USP54: variants seen among roughly 807,000 people sequenced by gnomAD.
USP54 encodes ubiquitin carboxyl-terminal hydrolase 54.
A neutral mutation model predicts 170.5 loss-of-function variants in USP54; 87 were observed. The observed-to-expected ratio is 0.51, with a 90% CI of 0.43 to 0.61. The LOEUF (loss-of-function observed/expected upper bound fraction) is 0.61, where lower values mean the gene tolerates loss of function less well. USP54 is among the 20% of genes least tolerant of loss of function. USP54 has a pLI of 0.00. For missense variants in USP54, 1,786 were observed against 2,047.8 expected (o/e 0.87, Z 2.47); for synonymous variants, 655 against 742.8 (o/e 0.88, Z 1.92).
intron 20 of USP54, chr10:73,505,872 A>T (rs1284366764): frequency 6.6e-6 from 1 of 152,518 alleles, no homozygotes; most frequent in Admixed American, 6.5e-5. Flanking sequence ...TCCGTCTCAA[A>T]AAAAAAAAGA....
chr10:73,594,119 G>A (rs772273194), upstream of USP54, among the ~76,000 whole-genome samples: 1 of 151,904 alleles, frequency 6.6e-6, no homozygotes, highest in Non-Finnish European at 1.5e-5. Flanking sequence ...CACCCAGGCT[G>A]GAGTGCAGTG....
At chr10:73,509,566 G>T (rs1429916155) in intron 20 of USP54, among the ~76,000 whole-genome samples, 1 of 151,226 alleles carries the variant, frequency 6.6e-6, no homozygotes, top group East Asian at 1.9e-4. Context: ...AGTGAGTTGA[G>T]ATCACGCCAT....
intron 20 of USP54, 55 bp from the exon 21 acceptor site, chr10:73,505,481 C>T (rs2058944541): frequency 1.4e-6 from 2 of 1,428,080 alleles, no homozygotes; most frequent in East Asian, 2.3e-5. Flanking sequence ...TAGGGCCTAA[C>T]CTCTAAGCCT....
Position 73,498,927 on chromosome 10 carries a change from G to T in USP54, c.4757C>A (p.Ser1586Tyr). The change falls in exon 24 of 24, where the codon TCC becomes TAC. Residue 1586 changes from serine (S) to tyrosine (Y), a missense_variant. By Grantham distance (144) the Ser-to-Tyr change is moderately radical. Around this residue, in one of 3 missense-constraint regions of USP54, gnomAD observed 1,418 missense variants for 1,569.0 expected, o/e 0.90. Coordinates refer to ENST00000687698, the MANE Select transcript of USP54 (RefSeq NM_001391956.1). ...GGGTGAATGGAAAAGATCACTCCAG[G>T]ACTGAGTGTGAGGAACCTGAAGGCC... The part of the protein sequence containing the change: ...SKGLQVPHTQ[S>Y]WSDLFHSPSH... The T allele has an allele frequency of 6.2e-7, 1 of 1,614,172 alleles. No individual in the cohort carries two copies. Among genetic ancestry groups the T allele is most frequent in the East Asian group, 2.2e-5 (1 of 44,882 alleles).
intron 10 of USP54, among the ~76,000 whole-genome samples, chr10:73,539,159 C>T (rs1011374046): frequency 1.3e-5 from 2 of 151,048 alleles, no homozygotes; most frequent in African/African-American, 4.9e-5. Flanking sequence ...TGCGCATGTA[C>T]TCCCAGCTAC....
chr10:73,504,711 G>A (rs1010999105), intron 22 of USP54, 139 bp downstream of exon 22: 46 of 1,071,710 alleles, frequency 4.3e-5, no homozygotes, highest in Non-Finnish European at 5.4e-5. Flanking sequence ...TAATGACTGC[G>A]TGTCCTTATT....
intron 3 of USP54, among the ~76,000 whole-genome samples, chr10:73,574,282 A>T (rs2075752352): frequency 6.6e-6 from 1 of 152,166 alleles, no homozygotes; most frequent in South Asian, 2.1e-4. Context: ...GTTCAAGTGT[A>T]TCTGACTAGA....
chr10:73,509,176 C>T (rs930455060), intron 20 of USP54, among the ~76,000 whole-genome samples: 7 of 147,374 alleles, frequency 4.7e-5, no homozygotes, highest in African/African-American at 1.8e-4. Flanking sequence ...TTGTTTGAAT[C>T]CTGACTTGAA....
intron 20 of USP54, among the ~76,000 whole-genome samples, chr10:73,515,266 T>C (rs767467865): frequency 6.6e-6 from 1 of 151,496 alleles, no homozygotes; most frequent in Non-Finnish European, 1.5e-5. Flanking sequence ...ATTTTAGAGT[T>C]AGAACATATC....
In USP54 at chr10:73,545,637, T is replaced by C. The variant is rs1254906616; in HGVS notation, c.276A>G (p.Lys92=). Residue 92 remains lysine (K), a synonymous_variant, in exon 5 of 24, where the codon AAA becomes AAG. Transcript: ENST00000687698. ...TGCGGAGAGTGTCAGATGGAAGCAC[T>C]TTTTCACTACTACACTGAAACTGGT... is the stretch of plus-strand genomic sequence containing the variant. The part of the protein sequence containing the change: ...IFNQFQCSSE[K]VLPSDTLRSA... 2.5e-6 allele frequency: 4 copies of C among 1,614,088 alleles called. No homozygotes were observed. The South Asian group carries it at 4.4e-5, about 18-fold the overall frequency.
At chr10:73,530,052 C>T (rs989675281) in intron 14 of USP54, 91 bp downstream of exon 14, 30 of 1,517,030 alleles carry the variant, frequency 2.0e-5, no homozygotes, top group Middle Eastern at 2.2e-4. Context: ...GTAAAAGTGC[C>T]CCTTGCCAGA....
At chr10:73,624,420 C>T (rs1433306574) in intron 1 of USP54, 1 of 146,170 alleles carries the variant, frequency 6.8e-6, no homozygotes, top group African/African-American at 2.5e-5. Context: ...GTTAGCCAGG[C>T]TGGTCTCGAA....
upstream of USP54, among the ~76,000 whole-genome samples, chr10:73,593,195 CAA>C (rs993654976): frequency 7.0e-5 from 9 of 129,440 alleles, no homozygotes; most frequent in Non-Finnish European, 6.7e-5. Context: ...CCCTTCTCTA[CAA>C]AAAAAAAAAA....
chr10:73,592,164 C>G (rs1350248848), upstream of USP54, among the ~76,000 whole-genome samples: 1 of 151,346 alleles, frequency 6.6e-6, no homozygotes, highest in African/African-American at 2.4e-5. Context: ...GCACAAAGGC[C>G]CCAGAGGACC....
intron 15 of USP54, among the ~76,000 whole-genome samples, chr10:73,527,230 T>C (rs2063033343): frequency 6.6e-6 from 1 of 152,160 alleles, no homozygotes; most frequent in Non-Finnish European, 1.5e-5. Flanking sequence ...CCAGGTACAG[T>C]GGCTCATGCC....
chr10:73,618,267 A>G (rs966098706), intron 1 of USP54, among the ~76,000 whole-genome samples: 1 of 150,276 alleles, frequency 6.7e-6, no homozygotes, highest in African/African-American at 2.5e-5. Context: ...TCTTTTTAGC[A>G]GCAGGGTCTC....
chr10:73,557,878 C>CTTTTTTTTTTTT (rs765656681), intron 4 of USP54, among the ~76,000 whole-genome samples: 3 of 115,004 alleles, frequency 2.6e-5, no homozygotes, highest in East Asian at 3.0e-4. Context: ...AGCTATTATT[C>CTTTTTTTTTTTT]TTTTTTTTTT....
At chr10:73,528,558 G>A (rs545845479) in intron 15 of USP54, among the ~76,000 whole-genome samples, 1 of 151,646 alleles carries the variant, frequency 6.6e-6, no homozygotes, top group East Asian at 1.9e-4. Context: ...GGCAGGCCTA[G>A]TCCGTTTTTG....
chr10:73,564,339 A>G (rs74424379), intron 4 of USP54, among the ~76,000 whole-genome samples: 5,369 of 152,290 alleles, frequency 0.035, 153 homozygotes, highest in South Asian at 0.11. Flanking sequence ...GGTATGAAAT[A>G]GGAAACTAAT....
Sources: allele counts gnomAD v4.1 joint callset (sites outside exome capture counted in the v4.1 genomes callset), GRCh38; gene constraint gnomAD v4.1.1; regional missense constraint gnomAD v4.1.1; transcripts MANE v1.5; gene names NCBI Gene and HGNC (gene_info 2026-07-23, HGNC 2026-07-21).